The following LCORL variants were observed in gnomAD, a reference collection of about 807,000 sequenced individuals.
The protein encoded by LCORL is ligand-dependent nuclear receptor corepressor-like protein.
A neutral mutation model predicts 141.8 loss-of-function variants in LCORL; 41 were observed. The ratio of observed to expected loss-of-function variants is 0.29; its 90% CI spans 0.23 to 0.38. The LOEUF is 0.38. LCORL is among the 10% of genes least tolerant of loss of function. LCORL has a pLI of 1.00. For missense variants in LCORL, 1,759 were observed against 2,035.0 expected, an observed-to-expected ratio of 0.86 and a Z score of 2.61; for synonymous variants, 618 against 694.1, an observed-to-expected ratio of 0.89 and a Z score of 1.72.
At chr4:17,873,270 G>A in intron 7 of LCORL, 118 bp downstream of exon 7, 1 of 624,878 alleles carries the variant, frequency 1.6e-6, no homozygotes, top group Non-Finnish European at 2.3e-6. Context: ...CAAGAAATTA[G>A]GTTGTCCAAA....
At chr4:17,963,396 G>C (rs1477525659) in intron 2 of LCORL, among the ~76,000 whole-genome samples, 1 of 151,874 alleles carries the variant, frequency 6.6e-6, no homozygotes, top group Non-Finnish European at 1.5e-5. Flanking sequence ...AGAACAAAGG[G>C]GGAGATATCT....
At chr4:17,946,869 A>C (rs1482000920) in intron 4 of LCORL, among the ~76,000 whole-genome samples, 2 of 151,984 alleles carry the variant, frequency 1.3e-5, no homozygotes, top group African/African-American at 4.8e-5. Flanking sequence ...TAAAAGAAGA[A>C]AAAATTGCAG....
At chr4:17,841,511 C>A (rs1722400239) in exon 8 of LCORL, 1 of 151,804 alleles carries the variant, frequency 6.6e-6, no homozygotes, top group Non-Finnish European at 1.5e-5. Context: ...TTAGTAAAAG[C>A]AGGTAAGGAG....
chr4:18,017,292 T>C (rs1319552528), intron 1 of LCORL, among the ~76,000 whole-genome samples: 1 of 152,182 alleles, frequency 6.6e-6, no homozygotes. Flanking sequence ...CAGATAATCA[T>C]CAACTGATGC....
chr4:17,970,626 T>C (rs1715744821), intron 2 of LCORL, among the ~76,000 whole-genome samples: 1 of 152,186 alleles, frequency 6.6e-6, no homozygotes, highest in Non-Finnish European at 1.5e-5. Flanking sequence ...ATAAAGGCAC[T>C]TTTGAGCACT....
exon 7 of LCORL, chr4:17,877,763 T>C: frequency 8.1e-7 from 1 of 1,230,714 alleles, no homozygotes; most frequent in Non-Finnish European, 1.0e-6. Flanking sequence ...AGGCTGATTT[T>C]GTAGAGTGAA....
At chr4:17,989,028 T>C (rs1323534897) in intron 1 of LCORL, among the ~76,000 whole-genome samples, 1 of 152,208 alleles carries the variant, frequency 6.6e-6, no homozygotes, top group Non-Finnish European at 1.5e-5. Context: ...ACTTTCTTTT[T>C]GGTTTCCATG....
chr4:17,965,557 A>C (rs561251875), intron 2 of LCORL, among the ~76,000 whole-genome samples: 71 of 152,280 alleles, frequency 4.7e-4, no homozygotes, highest in African/African-American at 1.6e-3. Context: ...ATTAAAACTA[A>C]TAGTCAATGA....
exon 7 of LCORL, chr4:17,877,051 T>C (rs563595710): frequency 8.1e-7 from 1 of 1,230,746 alleles, no homozygotes; most frequent in East Asian, 3.2e-5. Context: ...CTTTTTTCGG[T>C]GTATTTTTTT....
chr4:17,946,677 T>C (rs1191731158), intron 4 of LCORL, among the ~76,000 whole-genome samples: 1 of 151,974 alleles, frequency 6.6e-6, no homozygotes, highest in Non-Finnish European at 1.5e-5. Context: ...AAACTCATGG[T>C]AGAGTCAAAA....
At chr4:17,924,500 T>C (rs1734805087) in intron 4 of LCORL, among the ~76,000 whole-genome samples, 1 of 152,184 alleles carries the variant, frequency 6.6e-6, no homozygotes, top group East Asian at 1.9e-4. Flanking sequence ...ATCAGCCAGC[T>C]ACTTGGTGGA....
At chr4:17,893,276 A>G in intron 5 of LCORL, 1 of 624,514 alleles carries the variant, frequency 1.6e-6, no homozygotes, top group Non-Finnish European at 2.0e-6. Context: ...GTCCTGAAGT[A>G]AAAATTAAGA....
At chr4:17,945,855 C>A (rs1033045454) in intron 4 of LCORL, among the ~76,000 whole-genome samples, 3 of 151,522 alleles carry the variant, frequency 2.0e-5, no homozygotes, top group African/African-American at 7.3e-5. Flanking sequence ...TAGTTTCACT[C>A]TAAAGTTACC....
chr4:17,901,507 CATGT>C (rs1226172886), intron 5 of LCORL, among the ~76,000 whole-genome samples: 4 of 151,982 alleles, frequency 2.6e-5, no homozygotes, highest in Admixed American at 6.6e-5. Flanking sequence ...AGATGATAAT[CATGT>C]ATGTAATTCT....
intron 1 of LCORL, among the ~76,000 whole-genome samples, chr4:18,016,584 C>T (rs1317905622): frequency 6.6e-6 from 1 of 151,994 alleles, no homozygotes; most frequent in Non-Finnish European, 1.5e-5. Context: ...TGTGTCTAGT[C>T]CAAATTGGGA....
chr4:17,994,057 T>G (rs1189837590), intron 1 of LCORL, among the ~76,000 whole-genome samples: 3 of 152,172 alleles, frequency 2.0e-5, no homozygotes, highest in Non-Finnish European at 4.4e-5. Context: ...TCATTTTTGG[T>G]TGGATATGTG....
At chr4:17,876,754 G>C in exon 7 of LCORL, 1 of 1,230,698 alleles carries the variant, frequency 8.1e-7, no homozygotes, top group Non-Finnish European at 1.0e-6. Flanking sequence ...CTATCATTTT[G>C]CAAAAATTGT....
intron 7 of LCORL, among the ~76,000 whole-genome samples, chr4:17,869,231 T>C (rs1270075668): frequency 6.6e-6 from 1 of 152,088 alleles, no homozygotes; most frequent in Non-Finnish European, 1.5e-5. Flanking sequence ...CATGTAAATA[T>C]ATATCTTTTA....
intron 1 of LCORL, among the ~76,000 whole-genome samples, chr4:17,975,283 T>C (rs1716727413): frequency 6.6e-6 from 1 of 152,178 alleles, no homozygotes; most frequent in Admixed American, 6.5e-5. Context: ...TTTCATTTAG[T>C]TCAAATTGTT....
Sources: gnomAD v4.1 joint callset for allele counts (sites outside exome capture counted in the v4.1 genomes callset) on GRCh38, gnomAD v4.1.1 for gene constraint, MANE v1.5 for transcripts, NCBI Gene and HGNC (gene_info 2026-07-23, HGNC 2026-07-21) for gene names.